The following LAMA5 variants were observed in gnomAD, a reference collection of about 807,000 sequenced individuals.
LAMA5 encodes laminin subunit alpha-5.
LAMA5 carries 260 observed loss-of-function variants against 433.4 expected under a neutral mutation model. The observed-to-expected ratio is 0.60, with a 90% confidence interval of 0.54 to 0.66. The LOEUF is 0.66. LAMA5 is among the 30% of genes least tolerant of loss of function. The pLI is 0.00. For missense variants in LAMA5, 5,378 were observed against 5,258.5 expected (o/e 1.02, Z -0.70); for synonymous variants, 2,620 against 2,226.6 (o/e 1.18, Z -4.97).
intron 50 of LAMA5, among the ~76,000 whole-genome samples, chr20:62,320,304 G>C (rs1384924043): frequency 1.3e-5 from 1 of 75,060 alleles, no homozygotes; most frequent in African/African-American, 5.5e-5. Context: ...GGCAACAAGA[G>C]CAAAACTGTG....
Position 62,312,421 on chromosome 20 carries a change from G to A in LAMA5, c.9339C>T (p.Ala3113=), listed in dbSNP as rs200769945. 2.7e-5 allele frequency: 43 copies of A among 1,597,822 alleles called. 1 individual carries two copies. The highest frequency in any genetic ancestry group is 2.2e-4 in the East Asian group (10 of 44,820). ...LKRLNTTGVS[A]GCTADLLVGR... ...TCACCAGCAGGTCGGCGGTGCAGCC[G>A]GCGCTCACGCCTGTCGTGTTCAGCC... The change falls in exon 68 of 80, where the codon GCC becomes GCT. Residue 3113 remains alanine, a synonymous_variant. Transcript: ENST00000252999.
rs372810657 is a variant in LAMA5, at chr20:62,316,929, C to T, written c.7606G>A (p.Glu2536Lys). Residue 2536 changes from glutamate (E) to lysine (K), a missense_variant, in exon 56 of 80, where the codon GAG becomes AAG. By Grantham distance (56) the Glu-to-Lys change is moderately conservative. Coordinates refer to ENST00000252999, the MANE Select transcript of LAMA5 (RefSeq NM_005560.6). Reference protein sequence around the residue: ...SRILQAVQAAEDAAGQALQQA... With the variant: ...SRILQAVQAAKDAAGQALQQA... Reference sequence around the variant, plus strand: ...TGCAGGGCCTGGCCAGCAGCATCCTCGGCAGCCTGCACGGCCTGCAGGATG... The same window carrying T: ...TGCAGGGCCTGGCCAGCAGCATCCTTGGCAGCCTGCACGGCCTGCAGGATG... 3.2e-5 allele frequency: 49 copies of T among 1,555,502 alleles called. No individual in the cohort carries two copies. In the Admixed American group the frequency reaches 6.5e-4, roughly 21 times the overall value.
At chr20:62,323,409 C>T in intron 45 of LAMA5, 47 bp downstream of exon 45, 2 of 1,427,796 alleles carry the variant, frequency 1.4e-6, no homozygotes, top group Non-Finnish European at 1.9e-6. Context: ...CTCCCTCCTC[C>T]CCGCGCAACC....
intron 11 of LAMA5, among the ~76,000 whole-genome samples, chr20:62,343,754 C>G (rs1197501814): frequency 1.5e-5 from 1 of 68,630 alleles, no homozygotes; most frequent in African/African-American, 4.5e-5. Context: ...CCAGCCTGGG[C>G]AACTAGAGTG....
chr20:62,332,454 T>C lies in LAMA5; in HGVS notation c.3470A>G (p.Asp1157Gly). 1 of 1,612,614 alleles carries C rather than the reference T, an allele frequency of 6.2e-7. No individual in the cohort carries two copies. Among genetic ancestry groups the C allele is most frequent in the Non-Finnish European group, 8.5e-7 (1 of 1,179,898 alleles). ...YSTLCRGTAR[D>G]TQDHLAVFHL... ...GAAGACAGCCAGGTGGTCCTGGGTA[T>C]CCCGGGCAGTGCCCCGGCACAGGGT... Residue 1157 changes from aspartate (D) to glycine (G), a missense_variant, in exon 28 of 80, where the codon GAT (aspartate) becomes GGT (glycine). Asp to Gly is a moderately conservative substitution (Grantham distance 94, BLOSUM62 -1). Transcript: ENST00000252999.
At chr20:62,316,561 T>C (rs972767573) in intron 57 of LAMA5, 110 bp downstream of exon 57, 3 of 794,202 alleles carry the variant, frequency 3.8e-6, no homozygotes, top group African/African-American at 3.5e-5. Context: ...CCCCAAACCA[T>C]GCTGCGGTGA....
Position 62,332,505 on chromosome 20 carries a change from G to A in LAMA5, c.3444-25C>T, listed in dbSNP as rs745792139. 4 of 1,610,398 alleles carry A rather than the reference G, an allele frequency of 2.5e-6. No homozygotes were observed. The African/African-American group carries it at 4.0e-5, about 16-fold the overall frequency. On this transcript the variant is annotated intron_variant, in intron 27 of 79. Transcript: ENST00000252999. ...GCTGTGGGGGGAGGGTGGTCAGCAG[G>A]TGGGGCAGCCCCGGGCGTGCCCTTA... is the stretch of plus-strand genomic sequence containing the variant.
At chr20:62,346,344 G>A (rs1023873051) in intron 9 of LAMA5, 129 bp from the exon 10 acceptor site, 47 of 1,398,980 alleles carry the variant, frequency 3.4e-5, no homozygotes, top group Non-Finnish European at 4.0e-5. Context: ...CCCCCTGGGG[G>A]GACATGAGGG....
chr20:62,314,984 C>T (rs772938836), intron 59 of LAMA5, 37 bp from the exon 60 acceptor site: 8 of 1,576,008 alleles, frequency 5.1e-6, no homozygotes, highest in African/African-American at 1.3e-5. Flanking sequence ...TGCCCCCCAC[C>T]GTGCCCGCCT....
In LAMA5 at chr20:62,367,009, G is replaced by A; in HGVS notation, c.237C>T (p.Asp79=). The A allele has an allele frequency of 7.8e-7, 1 of 1,279,650 alleles. No individual in the cohort carries two copies. The highest frequency in any genetic ancestry group is 3.3e-5 in the South Asian group (1 of 30,548). The allele number at this position is 1,279,650 out of a possible 1,614,324, so 79.3% of individuals were successfully genotyped here. A position where few individuals can be genotyped will look rare whatever the true frequency, so the allele number is the denominator to read the frequency against. Reference sequence around the variant, plus strand: ...GGCCCCCTACCAGCTTGCAGTAAAGGTCCTCGGTGGGGCGCGGGGAGCCGC... The same window carrying A: ...GGCCCCCTACCAGCTTGCAGTAAAGATCCTCGGTGGGGCGCGGGGAGCCGC... ...PARGSPRPTE[D]LYCKLVGGPV... The change falls in exon 1 of 80, where the codon GAC becomes GAT. Residue 79 remains aspartate (D), a synonymous_variant. Transcript: ENST00000252999.
rs1983444395 is a variant in LAMA5, at chr20:62,346,766, G to C, written c.1107C>G (p.Tyr369Ter). 6.2e-7 allele frequency: 1 copy of C among 1,612,622 alleles called. No homozygotes were observed. The stretch of plus-strand genomic sequence containing the variant: ...GGCGCCGGTCCACCTCAGGGTCGTA[G>C]TAACAGTCGGTGGCATGGCCGTAGC... The part of the protein sequence containing the change: ...CNCYGHATDC[Y>*]YDPEVDRRRA... Residue 369 changes from tyrosine to a stop codon, truncating the protein, a stop_gained, in exon 8 of 80, where the codon TAC (tyrosine) becomes TAG (stop). Transcript: ENST00000252999. LOFTEE classifies it high-confidence loss of function.
intron 6 of LAMA5, 46 bp downstream of exon 6, chr20:62,351,657 TG>T (rs748362317): frequency 1.0e-4 from 159 of 1,564,312 alleles, no homozygotes; most frequent in Admixed American, 1.4e-4. Flanking sequence ...GGCAGGGAGC[TG>T]GGGGGGGCCT....
At chr20:62,326,781 G>T in intron 39 of LAMA5, 21 bp from the exon 40 acceptor site, 1 of 1,611,762 alleles carries the variant, frequency 6.2e-7, no homozygotes, top group Non-Finnish European at 8.5e-7. Flanking sequence ...ACATGGGGAG[G>T]TGAGGGTTGG....
rs1986131528 is a variant in LAMA5 at position 62,310,530 on chromosome 20, G to A, written c.10489C>T (p.His3497Tyr). The change falls in exon 76 of 80, where the codon CAC (histidine) becomes TAC (tyrosine). Residue 3497 changes from histidine (H) to tyrosine (Y), a missense_variant. Coordinates refer to ENST00000252999, the MANE Select transcript of LAMA5 (RefSeq NM_005560.6). ...FSGCVKRLRL[H>Y]GRPLGAPTRM... ...GTGGGGGCCCCCAGGGGCCTCCCGT[G>A]CAGCCTCAGTCTCTTCACACAGCCG... 2 of 1,552,930 alleles carry A rather than the reference G, an allele frequency of 1.3e-6. No homozygotes were observed. The highest frequency in any genetic ancestry group is 1.7e-6 in the Non-Finnish European group (2 of 1,156,110).
intron 45 of LAMA5, among the ~76,000 whole-genome samples, chr20:62,323,057 G>A (rs1978583519): frequency 7.2e-6 from 1 of 138,840 alleles, no homozygotes; most frequent in South Asian, 2.5e-4. Context: ...TGTGGGGGGA[G>A]AGGGGATGTG....
chr20:62,323,866 C>T lies in LAMA5; in HGVS notation c.5769-10G>A, dbSNP rs760300766. 19 of 1,595,496 alleles carry T rather than the reference C, an allele frequency of 1.2e-5. No individual in the cohort carries two copies. Among genetic ancestry groups the T allele is most frequent in the South Asian group, 4.5e-5 (4 of 89,126 alleles). On this transcript the variant is annotated splice_polypyrimidine_tract_variant and intron_variant, in intron 43 of 79. Coordinates refer to ENST00000252999, the MANE Select transcript of LAMA5 (RefSeq NM_005560.6). The stretch of plus-strand genomic sequence containing the variant: ...ACAGCCCTCGGCGAAGCTGCAAAGA[C>T]CAGCAGCGTCAGTCACTAGGCCCCT...
Position 62,367,200 on chromosome 20 carries a change from G to A in LAMA5, c.46C>T (p.Pro16Ser), listed in dbSNP as rs1986836386. 6 of 1,220,580 alleles carry A rather than the reference G, an allele frequency of 4.9e-6. No homozygotes were observed. Among genetic ancestry groups the A allele is most frequent in the South Asian group, 6.5e-5 (2 of 30,922 alleles). 75.6% of individuals were successfully genotyped at this position (1,220,580 alleles called of 1,614,324 possible). The change falls in exon 1 of 80, where the codon CCC becomes TCC. Residue 16 changes from proline (P) to serine (S), a missense_variant. Pro to Ser is a moderately conservative substitution (Grantham distance 74, BLOSUM62 -1). Transcript: ENST00000252999. ...AGCAGCAGCGGCGCGGGGCCCCGGG[G>A]GCCGCGAACACACAGTGCGCTCCCC... ...CAGSALCVRG[P>S]RGPAPLLLVG...
rs763161580 is a variant in LAMA5 at position 62,323,446 on chromosome 20, C to G, written c.6064+10G>C. On this transcript the variant is annotated intron_variant, in intron 45 of 79. Coordinates refer to ENST00000252999, the MANE Select transcript of LAMA5 (RefSeq NM_005560.6). ...TCCCCAGGGTGCATCCCTCCCAGCC[C>G]GACGCCTACGGGTGCAGTTGCCGGG... The G allele has an allele frequency of 3.3e-6, 5 of 1,531,572 alleles. No individual in the cohort carries two copies. The highest frequency in any genetic ancestry group is 8.8e-7 in the Non-Finnish European group (1 of 1,140,494). The allele number at this position is 1,531,572 out of a possible 1,614,324, so 94.9% of individuals were successfully genotyped here.
At position 62,310,952 on chromosome 20, in the gene LAMA5, G is replaced by A. The variant is rs200326056; in HGVS notation, c.10231C>T (p.Arg3411Trp). Residue 3411 changes from arginine (R) to tryptophan (W), a missense_variant, in exon 74 of 80, where the codon CGG (arginine) becomes TGG (tryptophan). Coordinates refer to ENST00000252999, the MANE Select transcript of LAMA5 (RefSeq NM_005560.6). ...FVAQMEGLGT[R>W]LRAQSRQRSR... is the part of the protein sequence containing the mutation. ...CGCTGGCGGCTCTGGGCGCGGAGCC[G>A]AGTCCCGAGGCCTTCCATCTGTGCA... The A allele has an allele frequency of 1.3e-3, 2,174 of 1,611,336 alleles. 4 individuals are homozygous for A. Among genetic ancestry groups the A allele is most frequent in the Non-Finnish European group, 1.7e-3 (1,996 of 1,179,550 alleles).
Sources: allele counts gnomAD v4.1 joint callset (sites outside exome capture counted in the v4.1 genomes callset), GRCh38; gene constraint gnomAD v4.1.1; transcripts MANE v1.5; gene names NCBI Gene and HGNC (gene_info 2026-07-23, HGNC 2026-07-21).